UGT2B10: variants seen among roughly 807,000 people sequenced by gnomAD.
UGT2B10 encodes UDP glucuronosyltransferase family 2 member B10.
UGT2B10 carries 51 observed loss-of-function variants against 43.7 expected under a neutral mutation model. That is an observed-to-expected ratio of 1.17 (90% confidence interval 0.93 to 1.47). The LOEUF (loss-of-function observed/expected upper bound fraction) is 1.47. UGT2B10 is among the 40% of genes most tolerant of loss of function. The pLI is 0.00. For synonymous variants in UGT2B10, 225 were observed against 209.0 expected (o/e 1.08, Z -0.66); for missense variants, 696 against 617.7 (o/e 1.13, Z -1.34).
chr4:68,819,891 GGATT>G, intron 2 of UGT2B10, among the ~76,000 whole-genome samples: 1 of 152,012 alleles, frequency 6.6e-6, no homozygotes, highest in South Asian at 2.1e-4. Flanking sequence ...CTTCTTCAAT[GGATT>G]ATTATGCAAT....
At chr4:68,827,186 C>A in intron 4 of UGT2B10, 143 bp from the exon 5 acceptor site, 1 of 1,341,774 alleles carries the variant, frequency 7.5e-7, no homozygotes, top group Non-Finnish European at 1.0e-6. Flanking sequence ...AACACAAGTA[C>A]CTGTTTTTTC....
intron 5 of UGT2B10, among the ~76,000 whole-genome samples, chr4:68,828,647 C>T (rs1490185176): frequency 1.3e-5 from 2 of 151,758 alleles, no homozygotes; most frequent in Non-Finnish European, 2.9e-5. Context: ...GGACATAAAA[C>T]GTTTGAAGAA....
At chr4:68,829,059 T>C (rs1176619362) in intron 5 of UGT2B10, among the ~76,000 whole-genome samples, 10 of 151,946 alleles carry the variant, frequency 6.6e-5, no homozygotes, top group African/African-American at 2.2e-4. Flanking sequence ...AATCTAATGG[T>C]ATATAGAAGA....
rs1160968233 is a variant in UGT2B10, at chr4:68,820,496, A to G, written c.868-1775A>G. ...TATGGAAAATATTCACAAAATTAAC[A>G]TTGGAAGTAATCCAACATGTTACAT... On this transcript the variant is annotated intron_variant, in intron 2 of 5. Transcript: ENST00000265403. Among the ~76,000 whole-genome samples the G allele has an allele frequency of 2.0e-5, 3 of 152,094 alleles. No individual in the cohort carries two copies. The South Asian group carries it at 6.2e-4, about 31-fold the overall frequency.
chr4:68,830,815 CA>C lies in UGT2B10; in HGVS notation c.1526del (p.Lys509SerfsTer24). ...GTGGCAACCGTGCTATTTATCATCACAAAGTGTTGTCTGTTTTGTTTCTGGA... is the reference window on the plus strand; with the variant it reads ...GTGGCAACCGTGCTATTTATCATCACAAGTGTTGTCTGTTTTGTTTCTGGA... ...ACVATVLFII[T>X]KCCLFCFWKF... On this transcript the variant is annotated frameshift_variant, in exon 6 of 6. Coordinates refer to ENST00000265403, the MANE Select transcript of UGT2B10 (RefSeq NM_001075.6). LOFTEE classifies it low-confidence loss of function (END_TRUNC). 1.2e-6 allele frequency: 2 copies of C among 1,613,094 alleles called. No homozygotes were observed. Among genetic ancestry groups the C allele is most frequent in the East Asian group, 4.5e-5 (2 of 44,790 alleles).
intron 2 of UGT2B10, among the ~76,000 whole-genome samples, chr4:68,821,357 G>C (rs3792628): frequency 0.03 from 4,573 of 152,196 alleles, 165 homozygotes; most frequent in African/African-American, 0.084. Context: ...AGAGAGACAA[G>C]ATCCCCCTGA....
At position 68,816,658 on chromosome 4, in the gene UGT2B10, G is replaced by A. The variant is rs762532244; in HGVS notation, c.639G>A (p.Met213Ile). ...CTTTCATGGAGAGGGTAAAAAATAT[G>A]CTCTATGTGCTTTATTTTGACTTTT... Reference protein sequence around the residue: ...QMTFMERVKNMLYVLYFDFWF... With the variant: ...QMTFMERVKNILYVLYFDFWF... Residue 213 changes from methionine to isoleucine, a missense_variant, in exon 1 of 6, where the codon ATG becomes ATA. Transcript: ENST00000265403. 2.0e-5 allele frequency: 32 copies of A among 1,612,274 alleles called. No homozygotes were observed. Among genetic ancestry groups the A allele is most frequent in the Admixed American group, 3.3e-5 (2 of 59,804 alleles).
rs139538767 is a variant in UGT2B10 at position 68,831,034 on chromosome 4, A to G, written c.*155A>G. 1,585 of 961,706 alleles carry G rather than the reference A, an allele frequency of 1.6e-3. 24 individuals are homozygous for G. The African/African-American group carries it at 0.023, about 14-fold the overall frequency. 59.6% of individuals were successfully genotyped at this position (961,706 alleles called of 1,614,324 possible). A position where few individuals can be genotyped will look rare whatever the true frequency, so the allele number is the denominator to read the frequency against. ...TCAAGTAAAAATTTGTTTTTCAGAG[A>G]TTTACCACCCAGTTAATGGTTAGAA... On this transcript the variant is annotated 3_prime_UTR_variant, in exon 6 of 6. Coordinates refer to ENST00000265403, the MANE Select transcript of UGT2B10 (RefSeq NM_001075.6).
At chr4:68,823,191 G>A (rs1453534060) in intron 3 of UGT2B10, among the ~76,000 whole-genome samples, 1 of 152,064 alleles carries the variant, frequency 6.6e-6, no homozygotes, top group East Asian at 1.9e-4. Context: ...TAAAAAGAAT[G>A]AATTCCAGTC....
At position 68,816,074 on chromosome 4, in the gene UGT2B10, T is replaced by C. The variant is rs772747992; in HGVS notation, c.55T>C (p.Ser19Pro). 1.2e-5 allele frequency: 19 copies of C among 1,613,038 alleles called. No individual in the cohort carries two copies. Among genetic ancestry groups the C allele is most frequent in the Middle Eastern group, 1.6e-4 (1 of 6,074 alleles). The change falls in exon 1 of 6, where the codon TCT becomes CCT. Residue 19 changes from serine (S) to proline (P), a missense_variant. Physicochemically the swap from Ser to Pro is moderately conservative, Grantham distance 74. Coordinates refer to ENST00000265403, the MANE Select transcript of UGT2B10 (RefSeq NM_001075.6). ...LLIQLSFYFS[S>P]GSCGKVLVWA... ...GATACAACTCAGTTTTTACTTTAGC[T>C]CTGGGAGTTGTGGAAAGGTGCTGGT... is the stretch of plus-strand genomic sequence containing the variant.
At chr4:68,824,353 T>G (rs1399135068) in intron 3 of UGT2B10, among the ~76,000 whole-genome samples, 1 of 152,180 alleles carries the variant, frequency 6.6e-6, no homozygotes, top group Non-Finnish European at 1.5e-5. Context: ...AGGTGGATCC[T>G]GTCCAGTATA....
chr4:68,829,842 T>C (rs1737999630), intron 5 of UGT2B10, among the ~76,000 whole-genome samples: 2 of 152,068 alleles, frequency 1.3e-5, no homozygotes, highest in African/African-American at 4.8e-5. Flanking sequence ...CAATGTAGGG[T>C]TCTGTAGACC....
Position 68,818,690 on chromosome 4 carries a change from G to A in UGT2B10, c.867+513G>A, listed in dbSNP as rs539734966. ...GTATCCTGGAGTCACTGATGAGTAC[G>A]ATGAGAGCTGAACAATATGCAGGAA... is the stretch of plus-strand genomic sequence containing the variant. On this transcript the variant is annotated intron_variant, in intron 2 of 5. Coordinates refer to ENST00000265403, the MANE Select transcript of UGT2B10 (RefSeq NM_001075.6). Among the ~76,000 whole-genome samples the A allele has an allele frequency of 1.8e-3, 266 of 151,894 alleles. 1 individual carries two copies. The highest frequency in any genetic ancestry group is 3.4e-3 in the Middle Eastern group (1 of 294).
At chr4:68,819,788 T>C (rs1347587537) in intron 2 of UGT2B10, among the ~76,000 whole-genome samples, 4 of 152,158 alleles carry the variant, frequency 2.6e-5, no homozygotes, top group African/African-American at 2.4e-5. Flanking sequence ...AAAAATTCCG[T>C]CAGCATATAA....
At chr4:68,829,240 A>AT (rs1383858680) in intron 5 of UGT2B10, among the ~76,000 whole-genome samples, 1 of 152,102 alleles carries the variant, frequency 6.6e-6, no homozygotes, top group Admixed American at 6.6e-5. Context: ...AGGAGTACAT[A>AT]TTATATAATT....
At position 68,826,526 on chromosome 4, in the gene UGT2B10, T is replaced by C. The variant is rs377268456; in HGVS notation, c.1087+29T>C. The C allele has an allele frequency of 1.4e-5, 23 of 1,593,876 alleles. No individual in the cohort carries two copies. The African/African-American group carries it at 2.4e-4, about 17-fold the overall frequency. On this transcript the variant is annotated intron_variant, in intron 4 of 5. Transcript: ENST00000265403. ...ACACTCTGGTGAACAATACTGGATA[T>C]ATTAGTAACTGCACATTAGAGTGTT...
At chr4:68,829,598 T>G (rs528945443) in intron 5 of UGT2B10, among the ~76,000 whole-genome samples, 187 of 152,084 alleles carry the variant, frequency 1.2e-3, no homozygotes, top group African/African-American at 2.4e-3. Context: ...TTCCGTCAGA[T>G]TGTGGCCAGT....
chr4:68,819,655 C>T (rs1737395576), intron 2 of UGT2B10, among the ~76,000 whole-genome samples: 1 of 151,948 alleles, frequency 6.6e-6, no homozygotes, highest in Non-Finnish European at 1.5e-5. Flanking sequence ...CCTGGGGGAA[C>T]TCGTCTTGAC....
intron 4 of UGT2B10, 87 bp from the exon 5 acceptor site, chr4:68,827,242 T>C: frequency 6.3e-7 from 1 of 1,597,596 alleles, no homozygotes; most frequent in East Asian, 2.2e-5. Context: ...GTGTGTTATC[T>C]AGAAAACACT....
Sources: gnomAD v4.1 joint callset for allele counts (sites outside exome capture counted in the v4.1 genomes callset) on GRCh38, gnomAD v4.1.1 for gene constraint, MANE v1.5 for transcripts, NCBI Gene and HGNC (gene_info 2026-07-23, HGNC 2026-07-21) for gene names.